Variants in TBX19 observed in about 807,000 individuals in gnomAD.
The protein encoded by TBX19 is T-box transcription factor TBX19.
TBX19 carries 33 observed loss-of-function variants against 40.9 expected under a neutral mutation model. The observed-to-expected ratio is 0.81, with a 90% CI of 0.61 to 1.08. The LOEUF (loss-of-function observed/expected upper bound fraction) is 1.08, where lower values mean the gene tolerates loss of function less well. Ranked by LOEUF, TBX19 falls within the 50% of genes least tolerant of loss-of-function variation. TBX19 has a pLI of 0.00. For synonymous variants in TBX19, 220 were observed against 225.0 expected (o/e 0.98, Z 0.20); for missense variants, 494 against 574.0 (o/e 0.86, Z 1.42).
At chr1:168,290,644 G>A (rs1191427385) in intron 1 of TBX19, among the ~76,000 whole-genome samples, 1 of 152,152 alleles carries the variant, frequency 6.6e-6, no homozygotes, top group African/African-American at 2.4e-5. Context: ...TCTAACTCCT[G>A]TGCTCAAGCA....
At chr1:168,304,855 G>C (rs1558194367) in intron 5 of TBX19, among the ~76,000 whole-genome samples, 153 bp from the exon 6 acceptor site, 1 of 152,232 alleles carries the variant, frequency 6.6e-6, no homozygotes, top group East Asian at 1.9e-4. Flanking sequence ...GTGGCAGCTA[G>C]GGGATGGTAC....
At chr1:168,303,524 A>G (rs1220568574) in intron 5 of TBX19, among the ~76,000 whole-genome samples, 4 of 152,230 alleles carry the variant, frequency 2.6e-5, no homozygotes, top group Admixed American at 1.3e-4. Context: ...CCAGACCCCA[A>G]CAAAGGGTTC....
Position 168,293,249 on chromosome 1 carries a change from A to G in TBX19, c.574A>G (p.Ile192Val), listed in dbSNP as rs1440307012. The G allele has an allele frequency of 1.2e-6, 2 of 1,612,422 alleles. No homozygotes were observed. Among genetic ancestry groups the G allele is most frequent in the East Asian group, 2.2e-5 (1 of 44,798 alleles). The change falls in exon 3 of 8, where the codon ATA (isoleucine) becomes GTA (valine). Residue 192 changes from isoleucine to valine, a missense_variant. This residue lies in a region of TBX19 where 9 missense variants were observed against 31.5 expected (regional missense o/e 0.29). Coordinates refer to ENST00000367821, the MANE Select transcript of TBX19 (RefSeq NM_005149.3). Reference protein sequence around the residue: ...TNCSFPETQFIAVTAYQNEEI... With the variant: ...TNCSFPETQFVAVTAYQNEEI... ...CTGCTCCTTCCCTGAAACCCAGTTC[A>G]TAGCCGTGACTGCCTATCAGAATGA...
At chr1:168,281,470 A>C (rs1648647907) in intron 1 of TBX19, among the ~76,000 whole-genome samples, 177 bp downstream of exon 1, 1 of 152,234 alleles carries the variant, frequency 6.6e-6, no homozygotes, top group Non-Finnish European at 1.5e-5. Context: ...AATTTATCTG[A>C]GATCATCAGA....
intron 1 of TBX19, among the ~76,000 whole-genome samples, chr1:168,287,328 T>A (rs1648828990): frequency 6.6e-6 from 1 of 152,170 alleles, no homozygotes; most frequent in African/African-American, 2.4e-5. Context: ...TTTGCATGAG[T>A]CATTCCTTCT....
intron 1 of TBX19, among the ~76,000 whole-genome samples, chr1:168,288,040 A>T (rs968018498): frequency 1.3e-5 from 2 of 152,202 alleles, no homozygotes; most frequent in Non-Finnish European, 2.9e-5. Context: ...ATATTCACCT[A>T]CGCAAAGTCC....
intron 5 of TBX19, 46 bp from the exon 6 acceptor site, chr1:168,304,962 G>GAA: frequency 6.3e-7 from 1 of 1,594,176 alleles, no homozygotes; most frequent in Non-Finnish European, 8.6e-7. Context: ...TTTTGGTGTG[G>GAA]GAGTTCACAG....
intron 6 of TBX19, among the ~76,000 whole-genome samples, chr1:168,305,398 G>GT (rs11332580): frequency 1.3e-5 from 2 of 151,852 alleles, no homozygotes; most frequent in East Asian, 1.9e-4. Flanking sequence ...AACAATCTTA[G>GT]TTTTTTTTAA....
chr1:168,300,538 T>C, intron 5 of TBX19, 55 bp downstream of exon 5: 1 of 1,519,392 alleles, frequency 6.6e-7, no homozygotes, highest in South Asian at 1.1e-5. Context: ...TGGAGCCAGC[T>C]CCTTCCACAC....
chr1:168,298,800 C>CCCCTCCCCTCCCT lies in TBX19; in HGVS notation c.665+1022_665+1023insCTCCCTCCCTCCC, dbSNP rs1553289820. Among the ~76,000 whole-genome samples, 2 of 8,036 alleles carry CCCCTCCCCTCCCT rather than the reference C, an allele frequency of 2.5e-4. 1 individual carries two copies. Among genetic ancestry groups the CCCCTCCCCTCCCT allele is most frequent in the African/African-American group, 1.0e-3 (2 of 2,008 alleles). 5.3% of individuals were successfully genotyped at this position (8,036 alleles called of 152,430 possible). ...CCTTCCCTCCCTCCTCTCCTCTCCT[C>CCCCTCCCCTCCCT]CCCTCCCTCCCTCCCTCCCTTCCTT... is the stretch of plus-strand genomic sequence containing the variant. On this transcript the variant is annotated intron_variant, in intron 4 of 7. Coordinates refer to ENST00000367821, the MANE Select transcript of TBX19 (RefSeq NM_005149.3).
chr1:168,287,964 A>G (rs1440044314), intron 1 of TBX19, among the ~76,000 whole-genome samples: 1 of 151,822 alleles, frequency 6.6e-6, no homozygotes, highest in East Asian at 1.9e-4. Flanking sequence ...TTCCTCATCT[A>G]TAAAATTGGC....
intron 6 of TBX19, among the ~76,000 whole-genome samples, chr1:168,306,850 A>G (rs1273854956): frequency 6.6e-6 from 1 of 152,160 alleles, no homozygotes; most frequent in South Asian, 2.1e-4. Context: ...TATAAAACAC[A>G]TAAGTCAGGG....
intron 4 of TBX19, among the ~76,000 whole-genome samples, chr1:168,299,288 C>T (rs1340245143): frequency 6.6e-6 from 1 of 152,016 alleles, no homozygotes; most frequent in African/African-American, 2.4e-5. Flanking sequence ...ATTGACAAAG[C>T]CTACAGTATA....
In TBX19 at chr1:168,306,767, T is replaced by C. The variant is rs182524631; in HGVS notation, c.916+1571T>C. Among the ~76,000 whole-genome samples, 766 of 151,860 alleles carry C rather than the reference T, an allele frequency of 5.0e-3. 5 individuals carry two copies. Among genetic ancestry groups the C allele is most frequent in the African/African-American group, 0.017 (708 of 41,466 alleles). On this transcript the variant is annotated intron_variant, in intron 6 of 7. Coordinates refer to ENST00000367821, the MANE Select transcript of TBX19 (RefSeq NM_005149.3). Reference sequence around the variant, plus strand: ...AGAAATGTAGACTTTCAGGCTCTACTCCTGAGTCAGGGTCTGCATTTTAAC... The same window carrying C: ...AGAAATGTAGACTTTCAGGCTCTACCCCTGAGTCAGGGTCTGCATTTTAAC...
chr1:168,293,036 A>G, intron 2 of TBX19, 108 bp from the exon 3 acceptor site: 1 of 1,580,784 alleles, frequency 6.3e-7, no homozygotes, highest in Non-Finnish European at 8.6e-7. Flanking sequence ...GTGTGTCCCT[A>G]ACCGGGGTGG....
In TBX19 at chr1:168,313,365, A is replaced by G; in HGVS notation, c.*363A>G. Reference sequence around the variant, plus strand: ...AGGTGCAAAGCTGTTAAATGAGCTCAGAGTTTACCTAGCTAAGGCCACTGC... The same window carrying G: ...AGGTGCAAAGCTGTTAAATGAGCTCGGAGTTTACCTAGCTAAGGCCACTGC... On this transcript the variant is annotated 3_prime_UTR_variant, in exon 8 of 8. Transcript: ENST00000367821. The G allele has an allele frequency of 2.9e-6, 1 of 339,474 alleles. No homozygotes were observed. Among genetic ancestry groups the G allele is most frequent in the Non-Finnish European group, 5.6e-6 (1 of 179,264 alleles). The allele number at this position is 339,474 out of a possible 1,614,324, so 21.0% of individuals were successfully genotyped here. A position where few individuals can be genotyped will look rare whatever the true frequency, so the allele number is the denominator to read the frequency against.
intron 1 of TBX19, among the ~76,000 whole-genome samples, chr1:168,290,874 G>A (rs548943075): frequency 1.2e-4 from 19 of 152,226 alleles, no homozygotes; most frequent in African/African-American, 4.3e-4. Context: ...CTTTCTGTGG[G>A]GATGTGGCAT....
At chr1:168,292,691 C>T (rs1162918149) in intron 2 of TBX19, among the ~76,000 whole-genome samples, 3 of 151,862 alleles carry the variant, frequency 2.0e-5, no homozygotes, top group Non-Finnish European at 4.4e-5. Flanking sequence ...GGTGAAACCC[C>T]GTCTCTACTA....
intron 6 of TBX19, chr1:168,308,404 G>T (rs1225828672): frequency 2.0e-5 from 7 of 355,792 alleles, no homozygotes; most frequent in Non-Finnish European, 3.2e-5. Context: ...GGGGAGGCTG[G>T]TATGGTCCCT....
Sources: allele counts gnomAD v4.1 joint callset (sites outside exome capture counted in the v4.1 genomes callset), GRCh38; gene constraint gnomAD v4.1.1; regional missense constraint gnomAD v4.1.1; transcripts MANE v1.5; gene names NCBI Gene and HGNC (gene_info 2026-07-23, HGNC 2026-07-21).